RTN3: variants seen among roughly 807,000 people sequenced by gnomAD.
The protein encoded by RTN3 is reticulon-3.
RTN3 carries 49 observed loss-of-function variants against 77.8 expected under a neutral mutation model. The observed-to-expected ratio is 0.63, with a 90% CI of 0.50 to 0.80. The LOEUF (loss-of-function observed/expected upper bound fraction) is 0.80. Among genes scored for constraint, RTN3 ranks in the 30% least tolerant of loss-of-function variants. RTN3 has a pLI of 0.00. For synonymous variants in RTN3, 464 were observed against 446.9 expected (o/e 1.04, Z -0.48); for missense variants, 1,236 against 1,211.9 (o/e 1.02, Z -0.29).
intron 3 of RTN3, among the ~76,000 whole-genome samples, chr11:63,732,191 C>T (rs989379590): frequency 2.8e-4 from 42 of 152,130 alleles, no homozygotes; most frequent in African/African-American, 9.9e-4. Context: ...CAGGGTCTTG[C>T]TCAGTCACCC....
At chr11:63,751,606 C>G (rs1479855784) in intron 4 of RTN3, among the ~76,000 whole-genome samples, 1 of 152,014 alleles carries the variant, frequency 6.6e-6, no homozygotes, top group African/African-American at 2.4e-5. Flanking sequence ...CTCAGGACTA[C>G]AACAGAATAG....
chr11:63,750,337 C>T, intron 4 of RTN3, 139 bp downstream of exon 4: 1 of 703,850 alleles, frequency 1.4e-6, no homozygotes, highest in Non-Finnish European at 2.3e-6. Context: ...GAAGCATCCC[C>T]TAGAGACCTT....
chr11:63,685,892 T>A (rs1370061552), intron 1 of RTN3, among the ~76,000 whole-genome samples: 1 of 152,220 alleles, frequency 6.6e-6, no homozygotes, highest in African/African-American at 2.4e-5. Context: ...AGGTCAAGAA[T>A]GAGTGATGGC....
chr11:63,727,447 AAAAG>A (rs2012366398), intron 3 of RTN3, among the ~76,000 whole-genome samples: 1 of 152,132 alleles, frequency 6.6e-6, no homozygotes, highest in Admixed American at 6.5e-5. Flanking sequence ...TATTGAATAA[AAAAG>A]AAAATCTCAA....
intron 1 of RTN3, among the ~76,000 whole-genome samples, chr11:63,703,126 A>C (rs548367478): frequency 2.1e-4 from 32 of 152,344 alleles, no homozygotes; most frequent in South Asian, 6.2e-4. Context: ...ATAAAAAAAA[A>C]CACAATTTTT....
intron 1 of RTN3, among the ~76,000 whole-genome samples, chr11:63,693,499 T>C (rs1941774344): frequency 6.6e-6 from 1 of 152,038 alleles, no homozygotes; most frequent in South Asian, 2.1e-4. Context: ...AAAAAAAGTA[T>C]TGCATAGTTT....
intron 3 of RTN3, among the ~76,000 whole-genome samples, chr11:63,721,655 A>G (rs752947528): frequency 8.6e-5 from 13 of 151,914 alleles, no homozygotes; most frequent in Non-Finnish European, 1.5e-5. Context: ...GGTTGCCCCT[A>G]AGGTGATATT....
chr11:63,682,259 C>A (rs1298867636), intron 1 of RTN3, among the ~76,000 whole-genome samples: 1 of 152,202 alleles, frequency 6.6e-6, no homozygotes, highest in Non-Finnish European at 1.5e-5. Context: ...CATGATAGTC[C>A]TCCAAAATAT....
At chr11:63,715,552 G>A (rs1343302290) in intron 2 of RTN3, among the ~76,000 whole-genome samples, 1 of 152,104 alleles carries the variant, frequency 6.6e-6, no homozygotes. Context: ...CAGCTACTTC[G>A]GAGGCTGAGT....
At chr11:63,694,551 C>T (rs1181683771) in intron 1 of RTN3, among the ~76,000 whole-genome samples, 2 of 152,130 alleles carry the variant, frequency 1.3e-5, no homozygotes, top group African/African-American at 4.8e-5. Flanking sequence ...CGGCTCACTA[C>T]AACGTCCATG....
chr11:63,719,154 T>C lies in RTN3; in HGVS notation c.652T>C (p.Ser218Pro), dbSNP rs756222500. ...AGCCCAGAAACCACCTACTGAGTAC[T>C]CTAAGGTAGAAGGCATTTATACATA... ...LTAQKPPTEY[S>P]KVEGIYTYSL... is the part of the protein sequence containing the mutation. The change falls in exon 3 of 9, where the codon TCT becomes CCT. Residue 218 changes from serine (S) to proline (P), a missense_variant. Around this residue, in one of 3 missense-constraint regions of RTN3, gnomAD observed 1,056 missense variants for 990.4 expected, o/e 1.07. Coordinates refer to ENST00000377819, the MANE Select transcript of RTN3 (RefSeq NM_001265589.2). 2.5e-6 allele frequency: 4 copies of C among 1,614,080 alleles called. No individual in the cohort carries two copies. The Admixed American group carries it at 5.0e-5, about 20-fold the overall frequency.
intron 2 of RTN3, among the ~76,000 whole-genome samples, chr11:63,710,453 G>C (rs558940937): frequency 8.5e-5 from 13 of 152,072 alleles, no homozygotes; most frequent in Admixed American, 7.2e-4. Flanking sequence ...TCCCATACCA[G>C]ATTTTCTAGT....
intron 8 of RTN3, 100 bp from the exon 9 acceptor site, chr11:63,758,056 C>T: frequency 1.2e-6 from 1 of 826,672 alleles, no homozygotes; most frequent in Middle Eastern, 2.8e-4. Context: ...ATTGCTTATG[C>T]AAGTCCAGGA....
intron 2 of RTN3, among the ~76,000 whole-genome samples, chr11:63,705,902 AT>A (rs1942471562): frequency 6.6e-6 from 1 of 152,238 alleles, no homozygotes; most frequent in Admixed American, 6.5e-5. Flanking sequence ...ATTTATACTA[AT>A]AATAAAGTAT....
chr11:63,744,050 T>C (rs2013645294), intron 3 of RTN3, among the ~76,000 whole-genome samples: 1 of 152,020 alleles, frequency 6.6e-6, no homozygotes, highest in Non-Finnish European at 1.5e-5. Flanking sequence ...GAGACCAGCC[T>C]GGCCAATATG....
Position 63,718,949 on chromosome 11 carries a change from A to G in RTN3, c.447A>G (p.Ala149=). The change falls in exon 3 of 9, where the codon GCA becomes GCG. Residue 149 remains alanine (A), a synonymous_variant. Coordinates refer to ENST00000377819, the MANE Select transcript of RTN3 (RefSeq NM_001265589.2). ...CAGACTCTTCAGTTTCTCTTGCAGC[A>G]GGAGTTCATTGTGACCGTCCTTCTA... ...NVSDSSVSLA[A]GVHCDRPSIP... is the part of the protein sequence containing the mutation. 2 of 1,614,220 alleles carry G rather than the reference A, an allele frequency of 1.2e-6. No homozygotes were observed. Among genetic ancestry groups the G allele is most frequent in the Non-Finnish European group, 1.7e-6 (2 of 1,180,046 alleles).
At chr11:63,723,575 C>T (rs900170125) in intron 3 of RTN3, among the ~76,000 whole-genome samples, 2 of 151,934 alleles carry the variant, frequency 1.3e-5, no homozygotes, top group Admixed American at 1.3e-4. Flanking sequence ...AGGCGTGTGC[C>T]ACCACGCCCA....
chr11:63,728,718 T>C (rs530538768), intron 3 of RTN3, among the ~76,000 whole-genome samples: 3 of 151,894 alleles, frequency 2.0e-5, no homozygotes, highest in Non-Finnish European at 4.4e-5. Context: ...TAAAACCCCA[T>C]CTCTACTAAA....
At chr11:63,692,692 C>T (rs1296257095) in intron 1 of RTN3, among the ~76,000 whole-genome samples, 1 of 150,858 alleles carries the variant, frequency 6.6e-6, no homozygotes, top group Non-Finnish European at 1.5e-5. Context: ...ACCTGGGAGG[C>T]GGAGGTTGCA....
Sources: gnomAD v4.1 joint callset for allele counts (sites outside exome capture counted in the v4.1 genomes callset) on GRCh38, gnomAD v4.1.1 for gene constraint, gnomAD v4.1.1 regional missense constraint, MANE v1.5 for transcripts, NCBI Gene and HGNC (gene_info 2026-07-23, HGNC 2026-07-21) for gene names.